Variants in FN1 observed in about 807,000 individuals in gnomAD.
The protein encoded by FN1 is fibronectin 1.
FN1 carries 106 observed loss-of-function variants against 297.3 expected under a neutral mutation model. The observed-to-expected ratio is 0.36, with a 90% CI of 0.30 to 0.42. The LOEUF (loss-of-function observed/expected upper bound fraction) is 0.42, where lower values mean the gene tolerates loss of function less well. Among genes scored for constraint, FN1 ranks in the 10% least tolerant of loss-of-function variants. FN1 has a pLI of 1.00. For missense variants in FN1, 2,690 were observed against 3,124.9 expected, an observed-to-expected ratio of 0.86 and a Z score of 3.32; for synonymous variants, 1,149 against 1,152.6, an observed-to-expected ratio of 1.00 and a Z score of 0.06.
chr2:215,405,178 T>G (rs2061613427), intron 19 of FN1, among the ~76,000 whole-genome samples: 1 of 152,228 alleles, frequency 6.6e-6, no homozygotes, highest in African/African-American at 2.4e-5. Flanking sequence ...ATCCTCAGAT[T>G]CATGGTAGGA....
chr2:215,434,649 AC>A, intron 2 of FN1, 46 bp downstream of exon 2: 4 of 1,609,526 alleles, frequency 2.5e-6, no homozygotes, highest in Non-Finnish European at 3.4e-6. Flanking sequence ...AACAATTACC[AC>A]TTCATGTATT....
intron 34 of FN1, 139 bp from the exon 35 acceptor site, chr2:215,378,401 C>T: frequency 1.4e-6 from 1 of 692,438 alleles, no homozygotes. Flanking sequence ...TTGAAAATTC[C>T]TAGATTAATT....
Position 215,375,304 on chromosome 2 carries a change from C to T in FN1, c.6067G>A (p.Gly2023Ser), listed in dbSNP as rs759164727. ...SWQPPRARIT[G>S]YIIKYEKPGS... ...GGCTTCTCATACTTGATGATGTAGC[C>T]GGTAATCCTGGCACGTGGCGGCTGC... is the stretch of plus-strand genomic sequence containing the variant. The change falls in exon 38 of 46, where the codon GGC (glycine) becomes AGC (serine). Residue 2023 changes from glycine to serine, a missense_variant. Physicochemically the swap from Gly to Ser is moderately conservative, Grantham distance 56. This residue lies in a region of FN1 where 1,743 missense variants were observed against 1,945.2 expected (regional missense o/e 0.90). Coordinates refer to ENST00000354785, the MANE Select transcript of FN1 (RefSeq NM_212482.4). The T allele has an allele frequency of 1.6e-5, 26 of 1,614,056 alleles. No individual in the cohort carries two copies. Among genetic ancestry groups the T allele is most frequent in the East Asian group, 8.9e-5 (4 of 44,866 alleles).
chr2:215,362,224 T>G, intron 44 of FN1, 145 bp from the exon 45 acceptor site: 1 of 687,018 alleles, frequency 1.5e-6, no homozygotes, highest in Non-Finnish European at 2.6e-6. Context: ...TTGATGATGA[T>G]TTCATGCATT....
chr2:215,429,534 A>C (rs764589229), intron 5 of FN1, among the ~76,000 whole-genome samples: 65 of 152,214 alleles, frequency 4.3e-4, no homozygotes, highest in Admixed American at 1.6e-3. Flanking sequence ...CATCTACCAC[A>C]AGAATAGAAG....
chr2:215,379,816 T>C (rs202199308), intron 33 of FN1: 1 of 160,846 alleles, frequency 6.2e-6, no homozygotes, highest in Non-Finnish European at 1.4e-5. Context: ...CCTCAGCCTC[T>C]TGAGTAGCTG....
chr2:215,372,059 G>T lies in FN1; in HGVS notation c.6564C>A (p.His2188Gln). 1 of 1,614,236 alleles carries T rather than the reference G, an allele frequency of 6.2e-7. No homozygotes were observed. Among genetic ancestry groups the T allele is most frequent in the South Asian group, 1.1e-5 (1 of 91,088 alleles). Residue 2188 changes from histidine (H) to glutamine (Q), a missense_variant, in exon 40 of 46, where the codon CAC becomes CAA. By Grantham distance (24) the His-to-Gln change is conservative. This residue lies in a region of FN1 where 1,743 missense variants were observed against 1,945.2 expected (regional missense o/e 0.90). Coordinates refer to ENST00000354785, the MANE Select transcript of FN1 (RefSeq NM_212482.4). The part of the protein sequence containing the change: ...GHIPREDVDY[H>Q]LYPHGPGLNP... The stretch of plus-strand genomic sequence containing the variant: ...TGAGTCCCGGACCGTGTGGGTACAG[G>T]TGATAGTCTACATCTTCCCTGGGGA...
At position 215,370,556 on chromosome 2, in the gene FN1, A is replaced by AAAAACAG. The variant is rs2055769822; in HGVS notation, c.6715-125_6715-124insCTGTTTT. ...AAAGGAAGACAAAAAACAAAAAACA[A>AAAAACAG]AAAAAAAAAAAAGAGGGAGGGTATA... On this transcript the variant is annotated intron_variant, in intron 40 of 45. Coordinates refer to ENST00000354785, the MANE Select transcript of FN1 (RefSeq NM_212482.4). The AAAAACAG allele has an allele frequency of 4.3e-5, 28 of 645,576 alleles. No homozygotes were observed. The East Asian group carries it at 1.1e-3, about 26-fold the overall frequency. The allele number at this position is 645,576 out of a possible 1,614,324, so 40.0% of individuals were successfully genotyped here. A position where few individuals can be genotyped will look rare whatever the true frequency, so the allele number is the denominator to read the frequency against.
chr2:215,420,642 C>T (rs748359696), intron 11 of FN1, 31 bp downstream of exon 11: 17 of 1,613,592 alleles, frequency 1.1e-5, no homozygotes, highest in Non-Finnish European at 1.4e-5. Flanking sequence ...TCCCCCTGTG[C>T]AAACTCATCT....
intron 6 of FN1, among the ~76,000 whole-genome samples, chr2:215,425,732 T>A (rs972436208): frequency 1.3e-5 from 2 of 151,988 alleles, no homozygotes; most frequent in Non-Finnish European, 2.9e-5. Context: ...TTTTTTGTAT[T>A]TTTTAGTAGA....
intron 6 of FN1, 142 bp downstream of exon 6, chr2:215,428,038 C>G (rs1025615051): frequency 9.6e-7 from 1 of 1,043,720 alleles, no homozygotes. Flanking sequence ...TTTTAACAAC[C>G]AATAATGTGT....
intron 41 of FN1, among the ~76,000 whole-genome samples, chr2:215,368,773 T>C (rs1365285758): frequency 6.6e-6 from 1 of 152,206 alleles, no homozygotes; most frequent in African/African-American, 2.4e-5. Flanking sequence ...ATAGATGATT[T>C]AGGAATAAGT....
chr2:215,373,630 C>T (rs990402595), intron 38 of FN1, among the ~76,000 whole-genome samples: 13 of 151,628 alleles, frequency 8.6e-5, no homozygotes, highest in Admixed American at 1.3e-4. Context: ...TCATATCTGA[C>T]GCCTGAATAG....
At position 215,383,367 on chromosome 2, in the gene FN1, T is replaced by C; in HGVS notation, c.5011A>G (p.Asn1671Asp). The change falls in exon 31 of 46, where the codon AAT (asparagine) becomes GAT (aspartate). Residue 1671 changes from asparagine (N) to aspartate (D), a missense_variant. Coordinates refer to ENST00000354785, the MANE Select transcript of FN1 (RefSeq NM_212482.4). ...TGYRVTTTPK[N>D]GPGPTKTKTA... ...TTAGTTTTTGTTGGTCCTGGTCCAT[T>C]TTTGGGAGTGGTGGTTACTCTGTAA... The C allele has an allele frequency of 6.2e-7, 1 of 1,614,052 alleles. No homozygotes were observed. The highest frequency in any genetic ancestry group is 8.5e-7 in the Non-Finnish European group (1 of 1,179,998).
chr2:215,409,916 G>C lies in FN1; in HGVS notation c.2122+18C>G. On this transcript the variant is annotated intron_variant, in intron 14 of 45. Coordinates refer to ENST00000354785, the MANE Select transcript of FN1 (RefSeq NM_212482.4). The stretch of plus-strand genomic sequence containing the variant: ...GGAACCTCGGGGGTAGGAGGCATGA[G>C]GGTGGTTGTGTACATACTGGTCACA... The C allele has an allele frequency of 1.9e-6, 3 of 1,613,614 alleles. No homozygotes were observed. Among genetic ancestry groups the C allele is most frequent in the Non-Finnish European group, 2.5e-6 (3 of 1,179,900 alleles).
At chr2:215,372,415 T>A in intron 39 of FN1, 40 bp from the exon 40 acceptor site, 3 of 1,450,662 alleles carry the variant, frequency 2.1e-6, no homozygotes, top group Middle Eastern at 1.8e-4. Flanking sequence ...CAAAGCGCAT[T>A]AAGCTCCAGG....
At chr2:215,401,321 G>GAGAA (rs1466141871) in intron 20 of FN1, among the ~76,000 whole-genome samples, 1 of 149,014 alleles carries the variant, frequency 6.7e-6, no homozygotes, top group East Asian at 2.0e-4. Flanking sequence ...AGGAAGGAAA[G>GAGAA]AGAAAGAAAG....
At chr2:215,422,643 T>TC (rs1162657130) in intron 9 of FN1, among the ~76,000 whole-genome samples, 3 of 152,214 alleles carry the variant, frequency 2.0e-5, no homozygotes, top group Non-Finnish European at 4.4e-5. Flanking sequence ...GTGGGTTTTT[T>TC]CTTCTAAACT....
chr2:215,365,436 A>C lies in FN1; in HGVS notation c.7144+69T>G. On this transcript the variant is annotated intron_variant, in intron 43 of 45. Transcript: ENST00000354785. ...AAGTCTCCAATCATTTCTGTGAATG[A>C]GAGTTACAGCCTGATAATGAAAGTG... is the stretch of plus-strand genomic sequence containing the variant. 13 of 1,503,934 alleles carry C rather than the reference A, an allele frequency of 8.6e-6. No individual in the cohort carries two copies. The South Asian group carries it at 1.5e-4, about 17-fold the overall frequency. 93.2% of individuals were successfully genotyped at this position (1,503,934 alleles called of 1,614,324 possible).
Sources: gnomAD v4.1 joint callset for allele counts (sites outside exome capture counted in the v4.1 genomes callset) on GRCh38, gnomAD v4.1.1 for gene constraint, gnomAD v4.1.1 regional missense constraint, MANE v1.5 for transcripts, NCBI Gene and HGNC (gene_info 2026-07-23, HGNC 2026-07-21) for gene names.